CDS1: variants seen among roughly 807,000 people sequenced by gnomAD.
CDS1 encodes the protein CDP-diacylglycerol synthase 1.
CDS1 carries 41 observed loss-of-function variants against 62.1 expected under a neutral mutation model. The observed-to-expected ratio is 0.66, with a 90% CI of 0.51 to 0.86. The LOEUF is 0.86. Ranked by LOEUF, CDS1 falls within the 40% of genes least tolerant of loss-of-function variation. The pLI is 0.00. For missense variants in CDS1, 470 were observed against 550.1 expected, an observed-to-expected ratio of 0.85 and a Z score of 1.46; for synonymous variants, 185 against 192.6, an observed-to-expected ratio of 0.96 and a Z score of 0.32.
intron 3 of CDS1, among the ~76,000 whole-genome samples, chr4:84,611,491 T>C (rs947828463): frequency 2.0e-5 from 3 of 152,166 alleles, no homozygotes; most frequent in Admixed American, 6.5e-5. Context: ...CTATATGATA[T>C]GGTTTTCCTT....
At chr4:84,615,500 C>T (rs1024029705) in intron 3 of CDS1, among the ~76,000 whole-genome samples, 5 of 152,214 alleles carry the variant, frequency 3.3e-5, no homozygotes, top group African/African-American at 7.2e-5. Context: ...CTCCACCCTC[C>T]TAGTAGTTCC....
At chr4:84,584,610 A>T (rs1451840757) in intron 1 of CDS1, among the ~76,000 whole-genome samples, 1 of 152,188 alleles carries the variant, frequency 6.6e-6, no homozygotes. Context: ...ATTCCACCTG[A>T]AAGTTGATGT....
At position 84,583,244 on chromosome 4, in the gene CDS1, G is replaced by A. The variant is rs573308631; in HGVS notation, c.-158G>A. 1.3e-5 allele frequency: 7 copies of A among 548,584 alleles called. No homozygotes were observed. Among genetic ancestry groups the A allele is most frequent in the Non-Finnish European group, 2.2e-5 (7 of 313,752 alleles). The allele number at this position is 548,584 out of a possible 1,614,324, so 34.0% of individuals were successfully genotyped here. On this transcript the variant is annotated 5_prime_UTR_variant, in exon 1 of 13. Transcript: ENST00000295887. ...ATGCCGTTTTGGAGGTGACCGGCGC[G>A]GCGGCCGCTCTATGGTGGGGCCGCG...
chr4:84,620,024 A>G (rs1358486631), intron 5 of CDS1, among the ~76,000 whole-genome samples: 1 of 38,940 alleles, frequency 2.6e-5, no homozygotes, highest in Non-Finnish European at 4.3e-5. Flanking sequence ...ACTCTTATCT[A>G]AAAAAAAAAA....
At chr4:84,610,748 T>A (rs1286916763) in intron 3 of CDS1, among the ~76,000 whole-genome samples, 1 of 152,186 alleles carries the variant, frequency 6.6e-6, no homozygotes, top group Non-Finnish European at 1.5e-5. Context: ...CATGATTTTA[T>A]TCCAGTTGCC....
At chr4:84,636,765 T>C (rs9685017) in intron 8 of CDS1, among the ~76,000 whole-genome samples, 12,824 of 152,158 alleles carry the variant, frequency 0.084, 1,826 homozygotes, top group African/African-American at 0.29. Context: ...CCTCGAATGA[T>C]CTACCTACCT....
rs578069165 is a variant in CDS1, at chr4:84,637,929, T to C, written c.811-995T>C. ...GTCTGTCCCTTCTCTGTGGCAGAAT[T>C]GTTATCAGATTTGTCAAGAAACCAT... On this transcript the variant is annotated intron_variant, in intron 8 of 12. Coordinates refer to ENST00000295887, the MANE Select transcript of CDS1 (RefSeq NM_001263.4). Among the ~76,000 whole-genome samples, 3 of 152,334 alleles carry C rather than the reference T, an allele frequency of 2.0e-5. No individual in the cohort carries two copies. The South Asian group carries it at 6.2e-4, about 32-fold the overall frequency.
intron 6 of CDS1, among the ~76,000 whole-genome samples, 200 bp from the exon 7 acceptor site, chr4:84,633,657 A>C (rs1255784839): frequency 2.0e-5 from 3 of 152,202 alleles, no homozygotes; most frequent in Non-Finnish European, 4.4e-5. Context: ...TTACTTTGTT[A>C]AATGTTTTCA....
chr4:84,629,177 T>G (rs999417435), intron 5 of CDS1, among the ~76,000 whole-genome samples: 1 of 152,212 alleles, frequency 6.6e-6, no homozygotes, highest in Non-Finnish European at 1.5e-5. Flanking sequence ...CATATAAATG[T>G]ATTTTTAAGT....
At chr4:84,604,913 A>G (rs1037234668) in intron 2 of CDS1, among the ~76,000 whole-genome samples, 12 of 152,168 alleles carry the variant, frequency 7.9e-5, no homozygotes, top group African/African-American at 2.9e-4. Context: ...ACATGGCACC[A>G]GGCCAGTATT....
At position 84,619,572 on chromosome 4, in the gene CDS1, A is replaced by G. The variant is rs368014358; in HGVS notation, c.580+39A>G. 5.0e-6 allele frequency: 6 copies of G among 1,204,598 alleles called. No individual in the cohort carries two copies. The African/African-American group carries it at 6.3e-5, about 13-fold the overall frequency. The allele number at this position is 1,204,598 out of a possible 1,614,324, so 74.6% of individuals were successfully genotyped here. On this transcript the variant is annotated intron_variant, in intron 5 of 12. Transcript: ENST00000295887. ...TATTCTGTATTGATATATAGTTAACATATTTTCCATGTTTATTTTTATTTC... is the reference window on the plus strand; with the variant it reads ...TATTCTGTATTGATATATAGTTAACGTATTTTCCATGTTTATTTTTATTTC...
chr4:84,601,828 G>A (rs913248662), intron 1 of CDS1, among the ~76,000 whole-genome samples: 8 of 152,020 alleles, frequency 5.3e-5, no homozygotes, highest in African/African-American at 1.7e-4. Context: ...CAGGAGAATC[G>A]CTGGAACCTG....
intron 8 of CDS1, among the ~76,000 whole-genome samples, chr4:84,635,882 G>T (rs935920884): frequency 6.6e-6 from 1 of 150,634 alleles, no homozygotes; most frequent in African/African-American, 2.4e-5. Context: ...TCAGCCTCCC[G>T]AGTAGCTGGG....
At chr4:84,591,291 C>A (rs1428682533) in intron 1 of CDS1, among the ~76,000 whole-genome samples, 2 of 152,054 alleles carry the variant, frequency 1.3e-5, no homozygotes, top group African/African-American at 2.4e-5. Flanking sequence ...TTGGGGATGT[C>A]TTTTCCAAAA....
chr4:84,588,856 T>A (rs1722496019), intron 1 of CDS1, among the ~76,000 whole-genome samples: 1 of 152,238 alleles, frequency 6.6e-6, no homozygotes, highest in African/African-American at 2.4e-5. Flanking sequence ...ATTGTTTACA[T>A]GTAATCACAA....
intron 3 of CDS1, among the ~76,000 whole-genome samples, 164 bp downstream of exon 3, chr4:84,609,689 A>G (rs1318135462): frequency 1.3e-5 from 2 of 152,218 alleles, no homozygotes. Flanking sequence ...GATCTAACTT[A>G]ATCTTTTCTG....
intron 5 of CDS1, among the ~76,000 whole-genome samples, chr4:84,620,219 GTTTTTTT>G (rs1209622035): frequency 9.1e-6 from 1 of 110,292 alleles, no homozygotes; most frequent in Non-Finnish European, 1.7e-5. Flanking sequence ...GTAATTAGTT[GTTTTTTT>G]TTTTTTTTTT....
rs541475027 is a variant in CDS1, at chr4:84,626,813, T to G, written c.581-5006T>G. ...TGGCATTGAGGGTCCGACTATGTAT[T>G]TGTTGGATAAACGATTAAGAGGCTG... On this transcript the variant is annotated intron_variant, in intron 5 of 12. Coordinates refer to ENST00000295887, the MANE Select transcript of CDS1 (RefSeq NM_001263.4). Among the ~76,000 whole-genome samples, 4 of 152,318 alleles carry G rather than the reference T, an allele frequency of 2.6e-5. No individual in the cohort carries two copies. In the South Asian group the frequency reaches 8.3e-4, roughly 32 times the overall value.
At chr4:84,641,353 A>G (rs1724379320) in intron 10 of CDS1, among the ~76,000 whole-genome samples, 1 of 152,252 alleles carries the variant, frequency 6.6e-6, no homozygotes, top group Admixed American at 6.5e-5. Context: ...AGCATGAGCC[A>G]TTGTGCCTGG....
Sources: gnomAD v4.1 joint callset for allele counts (sites outside exome capture counted in the v4.1 genomes callset) on GRCh38, gnomAD v4.1.1 for gene constraint, MANE v1.5 for transcripts, NCBI Gene and HGNC (gene_info 2026-07-23, HGNC 2026-07-21) for gene names.